Variants in GPHN observed in about 807,000 individuals in gnomAD.
GPHN encodes the protein gephyrin.
In GPHN, 17 loss-of-function variants were observed where a neutral mutation model predicts 95.5. The ratio of observed to expected loss-of-function variants is 0.18; its 90% CI spans 0.12 to 0.27. The LOEUF is 0.27. GPHN is among the 10% of genes least tolerant of loss of function. The probability of loss-of-function intolerance (pLI) is 1.00; values close to 1 mark genes in which losing one functional copy is unlikely to be tolerated. For missense variants in GPHN, 660 were observed against 978.1 expected (o/e 0.67, Z 4.34); for synonymous variants, 320 against 322.5 (o/e 0.99, Z 0.08).
chr14:67,367,718 C>G, the GPHN span, among the ~76,000 whole-genome samples: 7 of 150,436 alleles, frequency 4.7e-5, no homozygotes, highest in African/African-American at 1.7e-4. Context: ...ACCCTGTAGT[C>G]CCAGCTTCTC....
At chr14:67,166,117 A>G (rs2082262139) in intron 20 of GPHN, among the ~76,000 whole-genome samples, 1 of 152,160 alleles carries the variant, frequency 6.6e-6, no homozygotes, top group Non-Finnish European at 1.5e-5. Context: ...TGGAAATGTA[A>G]AGAAATGGAA....
At chr14:67,101,849 A>ATTATTTATTTATTTATTTAT (rs57643224) in intron 13 of GPHN, among the ~76,000 whole-genome samples, 1 of 145,488 alleles carries the variant, frequency 6.9e-6, no homozygotes, top group African/African-American at 2.5e-5. Flanking sequence ...TGGTTTATGT[A>ATTATTTATTTATTTATTTAT]TTATTTATTT....
intron 18 of GPHN, among the ~76,000 whole-genome samples, chr14:67,154,026 A>G (rs1323149339): frequency 1.3e-5 from 2 of 152,232 alleles, no homozygotes; most frequent in African/African-American, 2.4e-5. Context: ...AAACACTTTC[A>G]TTCATTTAGC....
chr14:66,626,400 G>C (rs1297510213), intron 1 of GPHN, among the ~76,000 whole-genome samples: 1 of 151,992 alleles, frequency 6.6e-6, no homozygotes, highest in African/African-American at 2.4e-5. Context: ...TAAGTAATTG[G>C]ATTTATTTTA....
chr14:67,107,128 T>C (rs2078086015), intron 13 of GPHN, among the ~76,000 whole-genome samples: 1 of 152,192 alleles, frequency 6.6e-6, no homozygotes, highest in Non-Finnish European at 1.5e-5. Context: ...GAAGTTTGTG[T>C]CAGTGGTAGT....
chr14:67,295,323 A>G, the GPHN span, among the ~76,000 whole-genome samples: 5 of 147,334 alleles, frequency 3.4e-5, no homozygotes, highest in Non-Finnish European at 7.5e-5. Flanking sequence ...GGTCTCTACT[A>G]AAAAAAAAAT....
At chr14:67,343,372 C>A in the GPHN span, 1 of 1,610,254 alleles carries the variant, frequency 6.2e-7, no homozygotes, top group Non-Finnish European at 8.5e-7. Flanking sequence ...TAATACTCAC[C>A]ATGTTCAATG....
intron 5 of GPHN, among the ~76,000 whole-genome samples, chr14:66,903,088 A>G (rs1221926752): frequency 6.6e-6 from 1 of 152,110 alleles, no homozygotes; most frequent in Admixed American, 6.6e-5. Flanking sequence ...AGTTGGGTGA[A>G]ATGATTTGTA....
chr14:67,578,390 A>T, the GPHN span: 1 of 764,378 alleles, frequency 1.3e-6, no homozygotes, highest in Admixed American at 2.1e-5. The surrounding 1 kb of genome is among the most constrained non-coding windows in gnomAD (Gnocchi z 5.0). Flanking sequence ...ACACAGCCTG[A>T]CCAAGTTGGC....
chr14:67,634,332 C>A, the GPHN span, among the ~76,000 whole-genome samples: 1 of 151,832 alleles, frequency 6.6e-6, no homozygotes, highest in South Asian at 2.1e-4. Flanking sequence ...ATGGCTCACA[C>A]CTGTAACCCC....
chr14:67,199,249 T>A, the GPHN span: 1 of 1,599,298 alleles, frequency 6.3e-7, no homozygotes, highest in Non-Finnish European at 8.6e-7. Flanking sequence ...AATTCTTGAG[T>A]GAGGATGATG....
rs1271966940 is a variant in GPHN, at chr14:66,936,951, A to G, written c.828+12659A>G. 2.6e-5 allele frequency among the ~76,000 whole-genome samples: 4 copies of G among 152,364 alleles called. No individual in the cohort carries two copies. The East Asian group carries it at 7.7e-4, about 29-fold the overall frequency. On this transcript the variant is annotated intron_variant, in intron 8 of 22. Transcript: ENST00000478722. ...AATCGTGTAAAACAATGAAAAGTAC[A>G]GATAACTCAGAAGGATATACAAGTC...
At chr14:67,329,294 A>G in the GPHN span, among the ~76,000 whole-genome samples, 1 of 152,276 alleles carries the variant, frequency 6.6e-6, no homozygotes, top group Admixed American at 6.5e-5. Context: ...TTATTGATGT[A>G]TAGGAATGCT....
intron 11 of GPHN, among the ~76,000 whole-genome samples, chr14:67,083,481 C>G (rs1045617535): frequency 1.3e-5 from 2 of 152,172 alleles, no homozygotes; most frequent in African/African-American, 4.8e-5. Flanking sequence ...AAAAAAGCCA[C>G]TATGCTTCTT....
chr14:67,040,643 A>G (rs553151556), intron 10 of GPHN, among the ~76,000 whole-genome samples: 1 of 152,260 alleles, frequency 6.6e-6, no homozygotes, highest in East Asian at 1.9e-4. Context: ...ACAAGTCTTC[A>G]AGTTTGTCTT....
At chr14:67,651,285 T>TGTCA in the GPHN span, 2 of 1,599,386 alleles carry the variant, frequency 1.3e-6, no homozygotes, top group Admixed American at 1.7e-5. Context: ...ATCCTTGAAC[T>TGTCA]GTCAGCCCAC....
intron 9 of GPHN, among the ~76,000 whole-genome samples, chr14:66,973,284 A>G (rs1287746192): frequency 6.6e-6 from 1 of 152,220 alleles, no homozygotes; most frequent in African/African-American, 2.4e-5. Context: ...TAGGGCAGGG[A>G]ACACCTACAC....
At chr14:66,609,012 G>T (rs963146913) in intron 1 of GPHN, among the ~76,000 whole-genome samples, 2 of 152,078 alleles carry the variant, frequency 1.3e-5, no homozygotes, top group African/African-American at 4.8e-5. Flanking sequence ...GTGAAGTTTT[G>T]ATACAGAAAT....
At chr14:67,356,539 G>C in the GPHN span, among the ~76,000 whole-genome samples, 1 of 151,894 alleles carries the variant, frequency 6.6e-6, no homozygotes, top group African/African-American at 2.4e-5. Context: ...TTCTATAGCT[G>C]AAAGGGACTT....
Sources: gnomAD v4.1 joint callset for allele counts (sites outside exome capture counted in the v4.1 genomes callset) on GRCh38, gnomAD v4.1.1 for gene constraint, Gnocchi (gnomAD v3.1) non-coding constraint, MANE v1.5 for transcripts, NCBI Gene and HGNC (gene_info 2026-07-23, HGNC 2026-07-21) for gene names.